Variants in INPP5B observed in about 807,000 individuals in gnomAD.
The protein encoded by INPP5B is inositol polyphosphate-5-phosphatase B, also known as type II inositol 1,4,5-trisphosphate 5-phosphatase.
In INPP5B, 90 loss-of-function variants were observed where a neutral mutation model predicts 118.5. The ratio of observed to expected loss-of-function variants is 0.76; its 90% CI spans 0.64 to 0.90. INPP5B has a LOEUF of 0.90. Among genes scored for constraint, INPP5B ranks in the 40% least tolerant of loss-of-function variants. The pLI is 0.00. For missense variants in INPP5B, 984 were observed against 1,125.6 expected, an observed-to-expected ratio of 0.87 and a Z score of 1.80; for synonymous variants, 385 against 418.9, an observed-to-expected ratio of 0.92 and a Z score of 0.99.
intron 7 of INPP5B, among the ~76,000 whole-genome samples, chr1:37,903,968 G>A (rs932478708): frequency 6.6e-6 from 1 of 152,140 alleles, no homozygotes; most frequent in Non-Finnish European, 1.5e-5. Context: ...AGTAATCTTT[G>A]GGAAATAAAA....
rs778098110 is a variant in INPP5B at position 37,885,588 on chromosome 1, C to A, written c.1319+50G>T. The A allele has an allele frequency of 9.1e-6, 14 of 1,541,346 alleles. No homozygotes were observed. In the African/African-American group the frequency reaches 1.5e-4, roughly 16 times the overall value. On this transcript the variant is annotated intron_variant, in intron 13 of 23. Transcript: ENST00000373024. ...TCTCCCCATGAAAAGACAGAGCCCA[C>A]AACTCTATGTACTCATGGTGAACCG...
At chr1:37,886,193 A>G (rs190423430) in intron 12 of INPP5B, among the ~76,000 whole-genome samples, 1 of 152,174 alleles carries the variant, frequency 6.6e-6, no homozygotes, top group East Asian at 1.9e-4. Flanking sequence ...AAACAAACAA[A>G]AAAAAAACCC....
intron 1 of INPP5B, 86 bp downstream of exon 1, chr1:37,946,904 C>G (rs756647180): frequency 7.8e-5 from 12 of 153,580 alleles, no homozygotes; most frequent in Non-Finnish European, 1.6e-4. Flanking sequence ...TGTCCCAGCC[C>G]TCAGCTTGCC....
intron 7 of INPP5B, among the ~76,000 whole-genome samples, chr1:37,900,010 G>A (rs964357191): frequency 6.6e-6 from 1 of 151,910 alleles, no homozygotes. Flanking sequence ...CACTGTGCCC[G>A]GCTGAACTAC....
At chr1:37,863,202 T>G (rs1351742702) in intron 23 of INPP5B, among the ~76,000 whole-genome samples, 1 of 142,588 alleles carries the variant, frequency 7.0e-6, no homozygotes. Context: ...GTGGGGAGGG[T>G]CACTGCCCTT....
chr1:37,942,786 G>T (rs1203834857), intron 5 of INPP5B, among the ~76,000 whole-genome samples: 1 of 151,962 alleles, frequency 6.6e-6, no homozygotes, highest in African/African-American at 2.4e-5. Context: ...GCGGGTGCCT[G>T]TAATCCCAGC....
intron 6 of INPP5B, among the ~76,000 whole-genome samples, chr1:37,937,723 C>T (rs1366782192): frequency 6.6e-6 from 1 of 151,654 alleles, no homozygotes; most frequent in Non-Finnish European, 1.5e-5. Context: ...GCTGAGATTG[C>T]ACCACTGCAC....
intron 15 of INPP5B, 192 bp from the exon 16 acceptor site, chr1:37,878,515 C>T (rs1025909420): frequency 2.0e-6 from 2 of 985,204 alleles, no homozygotes; most frequent in African/African-American, 1.7e-5. Flanking sequence ...TCCAAAACAA[C>T]CATGAAAGCT....
At chr1:37,921,867 C>T (rs1455058600) in intron 7 of INPP5B, among the ~76,000 whole-genome samples, 1 of 152,086 alleles carries the variant, frequency 6.6e-6, no homozygotes, top group East Asian at 1.9e-4. Flanking sequence ...CTTAGCCAGG[C>T]GTGGTGGCGG....
chr1:37,877,154 C>T (rs139173793), intron 16 of INPP5B, among the ~76,000 whole-genome samples: 215 of 151,818 alleles, frequency 1.4e-3, no homozygotes, highest in African/African-American at 4.7e-3. Flanking sequence ...ATCACGAGGG[C>T]AGGAGATCGA....
At chr1:37,876,446 C>A (rs1437413480) in intron 16 of INPP5B, among the ~76,000 whole-genome samples, 1 of 149,174 alleles carries the variant, frequency 6.7e-6, no homozygotes, top group Non-Finnish European at 1.5e-5. Context: ...AATGAGAAGG[C>A]TCATGCCTGT....
intron 7 of INPP5B, 54 bp downstream of exon 7, chr1:37,931,859 C>T: frequency 6.2e-7 from 1 of 1,612,696 alleles, no homozygotes; most frequent in East Asian, 2.2e-5. Context: ...GAGCCCGCCC[C>T]CTGTGGCCGG....
At chr1:37,890,986 G>A (rs1300714146) in intron 8 of INPP5B, among the ~76,000 whole-genome samples, 2 of 152,108 alleles carry the variant, frequency 1.3e-5, no homozygotes, top group Non-Finnish European at 2.9e-5. Flanking sequence ...CAGCACTTTG[G>A]GAAGCCAAGA....
chr1:37,871,488 C>G (rs2148462293), intron 19 of INPP5B, among the ~76,000 whole-genome samples: 1 of 151,646 alleles, frequency 6.6e-6, no homozygotes, highest in Admixed American at 6.6e-5. Context: ...ACAAAAAAGG[C>G]CAGGCGTGGT....
chr1:37,878,577 G>C, intron 15 of INPP5B: 1 of 784,702 alleles, frequency 1.3e-6, no homozygotes, highest in Middle Eastern at 6.5e-4. Flanking sequence ...CCTCCTATGA[G>C]AATCAGGAGA....
chr1:37,901,812 T>C (rs115360752), intron 7 of INPP5B, among the ~76,000 whole-genome samples: 3,322 of 152,138 alleles, frequency 0.022, 105 homozygotes, highest in African/African-American at 0.076. Context: ...CACAGCCCCA[T>C]AGTTCCCCCT....
intron 6 of INPP5B, among the ~76,000 whole-genome samples, chr1:37,932,363 C>CTTTTTTTTTTTTTTT (rs58150703): frequency 5.7e-5 from 5 of 87,806 alleles, no homozygotes; most frequent in Non-Finnish European, 6.6e-5. Context: ...CTTTTCTTTT[C>CTTTTTTTTTTTTTTT]TTTTTTTTTT....
At chr1:37,894,045 T>A (rs372306037) in intron 7 of INPP5B, among the ~76,000 whole-genome samples, 1 of 152,202 alleles carries the variant, frequency 6.6e-6, no homozygotes, top group African/African-American at 2.4e-5. Context: ...CAGCTGTGAG[T>A]GTGGCTGCAT....
chr1:37,923,904 T>A (rs1645137602), intron 7 of INPP5B, among the ~76,000 whole-genome samples: 1 of 151,526 alleles, frequency 6.6e-6, no homozygotes, highest in African/African-American at 2.4e-5. Context: ...GCTTCCCAAG[T>A]GGCACGCAGA....
Sources: gnomAD v4.1 joint callset for allele counts (sites outside exome capture counted in the v4.1 genomes callset) on GRCh38, gnomAD v4.1.1 for gene constraint, MANE v1.5 for transcripts, NCBI Gene and HGNC (gene_info 2026-07-23, HGNC 2026-07-21) for gene names.